Variants in CEP128 observed in about 807,000 individuals in gnomAD.
The protein encoded by CEP128 is centrosomal protein 128kDa.
CEP128 carries 132 observed loss-of-function variants against 156.7 expected under a neutral mutation model. The observed-to-expected ratio is 0.84, with a 90% CI of 0.73 to 0.97. The LOEUF (loss-of-function observed/expected upper bound fraction) is 0.97. Ranked by LOEUF, CEP128 falls within the 50% of genes least tolerant of loss-of-function variation. The pLI is 0.00. For missense variants in CEP128, 1,252 were observed against 1,281.9 expected (o/e 0.98, Z 0.36); for synonymous variants, 469 against 448.9 (o/e 1.04, Z -0.57).
At chr14:80,716,383 A>T (rs1425565572) in intron 19 of CEP128, among the ~76,000 whole-genome samples, 1 of 152,196 alleles carries the variant, frequency 6.6e-6, no homozygotes, top group Non-Finnish European at 1.5e-5. Context: ...GTAGTCATGC[A>T]GTTATTTATT....
At chr14:80,946,227 A>T (rs1886339540), upstream of CEP128, among the ~76,000 whole-genome samples, 1 of 151,926 alleles carries the variant, frequency 6.6e-6, no homozygotes, top group African/African-American at 2.4e-5. Flanking sequence ...ATACTATGAC[A>T]TCCTAAAAAT....
At chr14:80,906,418 T>A (rs1883889455) in intron 4 of CEP128, among the ~76,000 whole-genome samples, 1 of 152,094 alleles carries the variant, frequency 6.6e-6, no homozygotes, top group Non-Finnish European at 1.5e-5. Flanking sequence ...CATAACAAGG[T>A]CAACACAACT....
At chr14:80,740,438 G>GTATA (rs889166221) in intron 19 of CEP128, among the ~76,000 whole-genome samples, 1 of 118,324 alleles carries the variant, frequency 8.5e-6, no homozygotes, top group Non-Finnish European at 1.8e-5. Context: ...CTAGTAAAAT[G>GTATA]TATATACACA....
In CEP128 at chr14:80,952,012, C is replaced by T. The variant is rs187237988; in HGVS notation, c.-172+6166G>A. On this transcript the variant is annotated intron_variant, in intron 2 of 7. Coordinates refer to the CEP128 transcript ENST00000555529. ...GAACTTTAAATTGCATGAAGAAAAACCTGATAGAAATGCAATGAGGGGGAA... is the reference window on the plus strand; with the variant it reads ...GAACTTTAAATTGCATGAAGAAAAATCTGATAGAAATGCAATGAGGGGGAA... Among the ~76,000 whole-genome samples the T allele has an allele frequency of 1.6e-3, 250 of 151,946 alleles. 3 individuals carry two copies. Among genetic ancestry groups the T allele is most frequent in the African/African-American group, 5.2e-3 (215 of 41,464 alleles).
At chr14:80,862,988 T>C (rs1411737955) in intron 8 of CEP128, 115 bp from the exon 9 acceptor site, 1 of 636,358 alleles carries the variant, frequency 1.6e-6, no homozygotes, top group African/African-American at 1.8e-5. Flanking sequence ...TAAGATTGTT[T>C]TGTTTGCAAA....
chr14:80,821,592 T>TAC (rs1347612289), intron 13 of CEP128, among the ~76,000 whole-genome samples: 22 of 80,098 alleles, frequency 2.7e-4, no homozygotes, highest in Admixed American at 4.5e-4. Context: ...GTCACACACA[T>TAC]ACACACATAC....
At chr14:80,712,090 T>C (rs984544089) in intron 19 of CEP128, among the ~76,000 whole-genome samples, 1 of 152,150 alleles carries the variant, frequency 6.6e-6, no homozygotes, top group East Asian at 1.9e-4. Context: ...AAATAAATTT[T>C]TAATTTGAAA....
intron 22 of CEP128, among the ~76,000 whole-genome samples, chr14:80,530,385 T>C (rs1328607020): frequency 6.6e-6 from 1 of 152,212 alleles, no homozygotes; most frequent in African/African-American, 2.4e-5. Flanking sequence ...TTTACGTGGA[T>C]TTGAGTTCAT....
At chr14:80,479,694 T>G (rs1887014236) in intron 14 of CEP128, among the ~76,000 whole-genome samples, 1 of 152,076 alleles carries the variant, frequency 6.6e-6, no homozygotes, top group African/African-American at 2.4e-5. Flanking sequence ...CCTAACACCC[T>G]CACATTTCAA....
rs557767434 is a variant in CEP128, at chr14:80,508,123, C to A, written c.3073-3103G>T. 5.3e-5 allele frequency among the ~76,000 whole-genome samples: 8 copies of A among 152,208 alleles called. 1 individual carries two copies. The South Asian group carries it at 1.7e-3, about 32-fold the overall frequency. On this transcript the variant is annotated intron_variant, in intron 23 of 24. Coordinates refer to ENST00000555265, the MANE Select transcript of CEP128 (RefSeq NM_152446.5). Reference sequence around the variant, plus strand: ...TAGAGACAGGGTTTCGCCACGTTGACCAGGCTGGTCTCGAACTCCTGACCT... The same window carrying A: ...TAGAGACAGGGTTTCGCCACGTTGAACAGGCTGGTCTCGAACTCCTGACCT...
rs1208137937 is a variant in CEP128 at position 80,785,414 on chromosome 14, C to T, written c.1692G>A (p.Glu564=). ...GAGACTTAATATCACGTAATTTCTC[C>T]TCCTTGGAGTGAAGCTCCTCCTCCT... The part of the protein sequence containing the change: ...ALQEEELHSK[E]EKLRDIKSHQ... The change falls in exon 15 of 25, where the codon GAG becomes GAA. Residue 564 remains glutamate, a synonymous_variant. Transcript: ENST00000555265. The T allele has an allele frequency of 6.2e-7, 1 of 1,613,956 alleles. No homozygotes were observed. The highest frequency in any genetic ancestry group is 1.3e-5 in the African/African-American group (1 of 74,908).
At chr14:80,681,332 T>C (rs1896316464) in intron 19 of CEP128, among the ~76,000 whole-genome samples, 1 of 152,208 alleles carries the variant, frequency 6.6e-6, no homozygotes, top group African/African-American at 2.4e-5. Flanking sequence ...GAAGGAATAC[T>C]GGCACCACGA....
chr14:80,875,017 T>G (rs1411515372), intron 8 of CEP128, among the ~76,000 whole-genome samples: 2 of 152,344 alleles, frequency 1.3e-5, no homozygotes, highest in East Asian at 3.9e-4. Context: ...TGGTCTATCC[T>G]TTAGAACGAC....
At chr14:80,545,912 T>C (rs1430914745) in intron 21 of CEP128, among the ~76,000 whole-genome samples, 3 of 152,318 alleles carry the variant, frequency 2.0e-5, no homozygotes, top group Middle Eastern at 3.4e-3. Flanking sequence ...TACTGGGTCC[T>C]ACCCCGGGTC....
intron 19 of CEP128, among the ~76,000 whole-genome samples, chr14:80,655,265 T>C (rs906629978): frequency 1.3e-5 from 2 of 152,206 alleles, no homozygotes; most frequent in Non-Finnish European, 1.5e-5. Context: ...TATCTATTTA[T>C]ATCTATCCAT....
At chr14:80,907,732 A>G (rs1049305732) in intron 4 of CEP128, among the ~76,000 whole-genome samples, 5 of 151,904 alleles carry the variant, frequency 3.3e-5, no homozygotes, top group African/African-American at 9.7e-5. Flanking sequence ...ACCAAGGTTT[A>G]CCTTGAGAGT....
rs1321106878 is a variant in CEP128, at chr14:80,518,655, G to A, written c.3072+8214C>T. Among the ~76,000 whole-genome samples, 3 of 152,012 alleles carry A rather than the reference G, an allele frequency of 2.0e-5. No homozygotes were observed. The East Asian group carries it at 5.8e-4, about 29-fold the overall frequency. ...TCATATATTTTGACACTGTTAATAG[G>A]TGAACACACATTTATGACTGTTATT... On this transcript the variant is annotated intron_variant, in intron 23 of 24. Coordinates refer to ENST00000555265, the MANE Select transcript of CEP128 (RefSeq NM_152446.5).
intron 19 of CEP128, among the ~76,000 whole-genome samples, chr14:80,715,314 C>A (rs189959883): frequency 1.1e-3 from 167 of 152,236 alleles, no homozygotes; most frequent in Middle Eastern, 6.8e-3. Flanking sequence ...AGTCTTCCTA[C>A]TCTGAAAATA....
intron 9 of CEP128, among the ~76,000 whole-genome samples, chr14:80,857,714 G>T: frequency 6.8e-6 from 1 of 146,388 alleles, no homozygotes; most frequent in African/African-American, 2.5e-5. Context: ...GCACTCCTGG[G>T]CAACAGAGTG....
Sources: allele counts gnomAD v4.1 joint callset (sites outside exome capture counted in the v4.1 genomes callset), GRCh38; gene constraint gnomAD v4.1.1; transcripts MANE v1.5; gene names NCBI Gene and HGNC (gene_info 2026-07-23, HGNC 2026-07-21).